Variants in PZP observed in about 807,000 individuals in gnomAD.
PZP encodes the protein PZP alpha-2-macroglobulin like.
PZP carries 150 observed loss-of-function variants against 179.8 expected under a neutral mutation model. The observed-to-expected ratio is 0.83, with a 90% confidence interval of 0.73 to 0.96. The LOEUF (loss-of-function observed/expected upper bound fraction) is 0.96, where lower values mean the gene tolerates loss of function less well. Ranked by LOEUF, PZP falls within the 40% of genes least tolerant of loss-of-function variation. The pLI is 0.00. For missense variants in PZP, 1,689 were observed against 1,764.0 expected (o/e 0.96, Z 0.76); for synonymous variants, 624 against 652.3 (o/e 0.96, Z 0.66).
At chr12:9,195,817 AT>A (rs1943743726) in intron 10 of PZP, among the ~76,000 whole-genome samples, 1 of 151,400 alleles carries the variant, frequency 6.6e-6, no homozygotes, top group African/African-American at 2.4e-5. Context: ...TAAAATTAAT[AT>A]TTTATTGGCT....
rs1944312679 is a variant in PZP, at chr12:9,203,821, G to A, written c.214C>T (p.Leu72Phe). The change falls in exon 2 of 36, where the codon CTC becomes TTC. Residue 72 changes from leucine (L) to phenylalanine (F), a missense_variant. Leu to Phe is a conservative substitution (Grantham distance 22). Around this residue, in one of 3 missense-constraint regions of PZP, gnomAD observed 742 missense variants for 730.5 expected, o/e 1.02. Transcript: ENST00000261336. ...TTCTCCGCCACCAGGTCAGTGAAGA[G>A]GCTCCTGTTTTCCCTGCCAGACTCC... ...SLESGRENRS[L>F]FTDLVAEKDL... 1 of 1,614,136 alleles carries A rather than the reference G, an allele frequency of 6.2e-7. No homozygotes were observed. The highest frequency in any genetic ancestry group is 1.1e-5 in the South Asian group (1 of 91,088).
intron 27 of PZP, 53 bp downstream of exon 27, chr12:9,157,714 G>C: frequency 2.0e-6 from 3 of 1,525,214 alleles, no homozygotes; most frequent in South Asian, 1.1e-5. Flanking sequence ...TGGCATTCCA[G>C]ACAGCAAATC....
At chr12:9,161,766 G>A (rs892021147) in intron 22 of PZP, among the ~76,000 whole-genome samples, 1 of 152,074 alleles carries the variant, frequency 6.6e-6, no homozygotes, top group Non-Finnish European at 1.5e-5. Flanking sequence ...ATAATGTGGC[G>A]GTTCTGTATA....
rs1196030836 is a variant in PZP at position 9,157,322 on chromosome 12, C to T, written c.3403G>A (p.Glu1135Lys). The T allele has an allele frequency of 2.5e-6, 4 of 1,613,972 alleles. No homozygotes were observed. In the East Asian group the frequency reaches 8.9e-5, roughly 36 times the overall value. ...PIVRNALFCL[E>K]SAWNVAKEGT... ...TCCTTTGCTACATTCCAGGCTGACT[C>T]CAGGCAGAACAGGGCATTGCGAACA... is the stretch of plus-strand genomic sequence containing the variant. The change falls in exon 28 of 36, where the codon GAG becomes AAG. Residue 1135 changes from glutamate to lysine, a missense_variant. Around this residue, in one of 3 missense-constraint regions of PZP, gnomAD observed 746 missense variants for 749.2 expected, o/e 1.00. Transcript: ENST00000261336.
At chr12:9,192,772 G>T in intron 11 of PZP, 33 bp from the exon 12 acceptor site, 1 of 1,450,762 alleles carries the variant, frequency 6.9e-7, no homozygotes, top group Non-Finnish European at 9.6e-7. Context: ...AAAGAATACT[G>T]TCTTGAAATT....
chr12:9,153,162 A>T lies in PZP; in HGVS notation c.3956T>A (p.Val1319Asp), dbSNP rs1331406395. 1.2e-6 allele frequency: 2 copies of T among 1,614,084 alleles called. No individual in the cohort carries two copies. The highest frequency in any genetic ancestry group is 2.7e-5 in the African/African-American group (2 of 74,936). Residue 1319 changes from valine to aspartate, a missense_variant, in exon 30 of 36, where the codon GTC becomes GAC. Coordinates refer to ENST00000261336, the MANE Select transcript of PZP (RefSeq NM_002864.3). ...ISLPELPGEY[V>D]ITVTGERCVY... The stretch of plus-strand genomic sequence containing the variant: ...ACATCTTTCCCCAGTTACTGTTATG[A>T]CATATTCTCCAGGGAGCTCTGGCAA...
At chr12:9,147,548 A>T (rs1214003403), downstream of PZP, among the ~76,000 whole-genome samples, 1 of 152,154 alleles carries the variant, frequency 6.6e-6, no homozygotes, top group Non-Finnish European at 1.5e-5. Context: ...GAGTCTTTCA[A>T]TTAGCCTTTG....
At position 9,160,469 on chromosome 12, in the gene PZP, A is replaced by G. The variant is rs767809133; in HGVS notation, c.2894T>C (p.Met965Thr). 6 of 1,613,718 alleles carry G rather than the reference A, an allele frequency of 3.7e-6. No homozygotes were observed. The highest frequency in any genetic ancestry group is 2.7e-5 in the African/African-American group (2 of 75,042). ...SVLGDILGSAMQNIQNLLQMP... is the reference protein window; with the variant it reads ...SVLGDILGSATQNIQNLLQMP... The stretch of plus-strand genomic sequence containing the variant: ...CTGGAGGAGATTTTGTATATTTTGC[A>G]TAGCAGAACCTAATATGTCACCTGG... The change falls in exon 24 of 36, where the codon ATG (methionine) becomes ACG (threonine). Residue 965 changes from methionine (M) to threonine (T), a missense_variant. Physicochemically the swap from Met to Thr is moderately conservative, Grantham distance 81. Around this residue, in one of 3 missense-constraint regions of PZP, gnomAD observed 746 missense variants for 749.2 expected, o/e 1.00. Transcript: ENST00000261336.
At chr12:9,206,399 A>G (rs10771418) in intron 1 of PZP, among the ~76,000 whole-genome samples, 56,445 of 151,996 alleles carry the variant, frequency 0.37, 10,571 homozygotes, top group East Asian at 0.45. Flanking sequence ...AGATATTGAA[A>G]TCAGAACAAA....
At chr12:9,174,812 G>A (rs1402681271) in intron 15 of PZP, among the ~76,000 whole-genome samples, 1 of 152,142 alleles carries the variant, frequency 6.6e-6, no homozygotes, top group Admixed American at 6.6e-5. Flanking sequence ...ATATCATAGA[G>A]GACACAAACA....
intron 23 of PZP, 49 bp downstream of exon 23, chr12:9,160,984 A>G: frequency 1.5e-6 from 2 of 1,369,504 alleles, no homozygotes; most frequent in Non-Finnish European, 2.1e-6. Context: ...GATAAGATGT[A>G]CAGTGGCAAC....
chr12:9,204,190 A>T (rs1944334020), intron 1 of PZP, among the ~76,000 whole-genome samples: 1 of 152,176 alleles, frequency 6.6e-6, no homozygotes, highest in African/African-American at 2.4e-5. Context: ...GCTTTCCAAG[A>T]TGTTACAATT....
In PZP at chr12:9,157,342, C is replaced by T. The variant is rs200477595; in HGVS notation, c.3383G>A (p.Arg1128His). ...TGACTCCAGGCAGAACAGGGCATTG[C>T]GAACAATAGGGTTCTGTAAAGGCAA... ...IPLPVTNPIV[R>H]NALFCLESAW... Residue 1128 changes from arginine to histidine, a missense_variant, in exon 28 of 36, where the codon CGC becomes CAC. Physicochemically the swap from Arg to His is conservative, Grantham distance 29 (BLOSUM62 0). Around this residue, in one of 3 missense-constraint regions of PZP, gnomAD observed 746 missense variants for 749.2 expected, o/e 1.00. Coordinates refer to ENST00000261336, the MANE Select transcript of PZP (RefSeq NM_002864.3). The T allele has an allele frequency of 2.9e-5, 47 of 1,612,968 alleles. No individual in the cohort carries two copies. Among genetic ancestry groups the T allele is most frequent in the Non-Finnish European group, 3.6e-5 (42 of 1,179,570 alleles).
intron 7 of PZP, among the ~76,000 whole-genome samples, 159 bp from the exon 8 acceptor site, chr12:9,197,282 T>C (rs1446768026): frequency 6.6e-6 from 1 of 150,572 alleles, no homozygotes; most frequent in East Asian, 1.9e-4. Flanking sequence ...CCCTCAAAAA[T>C]ATTAGCCATT....
In PZP at chr12:9,201,007, G is replaced by T. The variant is rs751003099; in HGVS notation, c.555C>A (p.Gly185=). ...AGAGGGGAAAGGACAACTGATTGAT[G>T]CCAGCTTCTAGCTTGAGACTCTGCC... is the stretch of plus-strand genomic sequence containing the variant. ...AQWQSLKLEA[G]INQLSFPLSS... Residue 185 remains glycine, a synonymous_variant, in exon 6 of 36, where the codon GGC becomes GGA. Coordinates refer to ENST00000261336, the MANE Select transcript of PZP (RefSeq NM_002864.3). The T allele has an allele frequency of 1.9e-6, 3 of 1,614,068 alleles. No individual in the cohort carries two copies. The highest frequency in any genetic ancestry group is 2.7e-5 in the African/African-American group (2 of 75,026).
rs1179069093 is a variant in PZP at position 9,158,528 on chromosome 12, G to A, written c.3186C>T (p.Ile1062=). The part of the protein sequence containing the change: ...LKTFAQARSY[I]FIDEAHITQS... ...GGGTAATGTGTGCTTCATCAATGAA[G>A]ATGTAGGATCGAGCCTGGGCGAAAG... The change falls in exon 26 of 36, where the codon ATC becomes ATT. Residue 1062 remains isoleucine (I), a synonymous_variant. Coordinates refer to ENST00000261336, the MANE Select transcript of PZP (RefSeq NM_002864.3). 21 of 1,614,180 alleles carry A rather than the reference G, an allele frequency of 1.3e-5. No individual in the cohort carries two copies. Among genetic ancestry groups the A allele is most frequent in the Non-Finnish European group, 1.8e-5 (21 of 1,180,028 alleles).
In PZP at chr12:9,192,408, A is replaced by G. The variant is rs1159224490; in HGVS notation, c.1482+104T>C. The stretch of plus-strand genomic sequence containing the variant: ...GGAATGAAGGACGCACAACAAGAAC[A>G]CAAGGTGGCTGTGTGCAAGTAGTTT... On this transcript the variant is annotated intron_variant, in intron 12 of 35. Transcript: ENST00000261336. The G allele has an allele frequency of 4.7e-6, 6 of 1,288,554 alleles. No homozygotes were observed. The African/African-American group carries it at 5.9e-5, about 13-fold the overall frequency. The allele number at this position is 1,288,554 out of a possible 1,614,324, so 79.8% of individuals were successfully genotyped here.
In PZP at chr12:9,182,098, T is replaced by A; in HGVS notation, c.1566A>T (p.Leu522Phe). 1 of 1,589,982 alleles carries A rather than the reference T, an allele frequency of 6.3e-7. No individual in the cohort carries two copies. The highest frequency in any genetic ancestry group is 1.4e-5 in the African/African-American group (1 of 70,730). The change falls in exon 14 of 36, where the codon TTA becomes TTT. Residue 522 changes from leucine (L) to phenylalanine (F), a missense_variant. Leu to Phe is a conservative substitution (Grantham distance 22). Coordinates refer to ENST00000261336, the MANE Select transcript of PZP (RefSeq NM_002864.3). ...ESGDMKGSFA[L>F]SFPVESDVAP... ...CAACGTCTGACTCCACAGGGAAGGA[T>A]AAGGCAAAACTGCCTTTCACTGGAA...
chr12:9,154,506 C>T, intron 29 of PZP, 110 bp downstream of exon 29: 3 of 1,078,854 alleles, frequency 2.8e-6, no homozygotes, highest in Non-Finnish European at 4.0e-6. Flanking sequence ...TTCCTAAATA[C>T]TTCTTCAATG....
Sources: gnomAD v4.1 joint callset for allele counts (sites outside exome capture counted in the v4.1 genomes callset) on GRCh38, gnomAD v4.1.1 for gene constraint, gnomAD v4.1.1 regional missense constraint, MANE v1.5 for transcripts, NCBI Gene and HGNC (gene_info 2026-07-23, HGNC 2026-07-21) for gene names.